Variants in SUGCT observed in about 807,000 individuals in gnomAD.
The protein encoded by SUGCT is succinyl-CoA:glutarate-CoA transferase.
Under a neutral mutation model 55.0 loss-of-function variants are expected in SUGCT, and 41 were observed. That is an observed-to-expected ratio of 0.74 (90% confidence interval 0.58 to 0.97). The LOEUF (loss-of-function observed/expected upper bound fraction) is 0.97. SUGCT is among the 50% of genes least tolerant of loss of function. SUGCT has a pLI of 0.00. For synonymous variants in SUGCT, 187 were observed against 200.4 expected, an observed-to-expected ratio of 0.93 and a Z score of 0.56; for missense variants, 568 against 547.8, an observed-to-expected ratio of 1.04 and a Z score of -0.37.
intron 6 of SUGCT, among the ~76,000 whole-genome samples, chr7:40,208,212 T>C (rs897528452): frequency 2.0e-5 from 3 of 152,148 alleles, no homozygotes; most frequent in Non-Finnish European, 4.4e-5. Flanking sequence ...TAGTGTTTAA[T>C]GGGTATAGGG....
chr7:40,683,062 A>G (rs1478399035), intron 12 of SUGCT, among the ~76,000 whole-genome samples: 1 of 152,110 alleles, frequency 6.6e-6, no homozygotes, highest in Non-Finnish European at 1.5e-5. Context: ...CTCACTTTAT[A>G]TCAGTAAATT....
chr7:40,467,402 G>A (rs1373049655), intron 11 of SUGCT, among the ~76,000 whole-genome samples: 1 of 151,844 alleles, frequency 6.6e-6, no homozygotes, highest in Non-Finnish European at 1.5e-5. Flanking sequence ...CATTATAATG[G>A]GGGTATCCAT....
chr7:40,616,385 G>A (rs1028241701), intron 12 of SUGCT, among the ~76,000 whole-genome samples: 1 of 151,906 alleles, frequency 6.6e-6, no homozygotes, highest in African/African-American at 2.4e-5. Context: ...TAGTAGAGAC[G>A]GGGTTTTGCC....
intron 13 of SUGCT, among the ~76,000 whole-genome samples, chr7:40,814,557 AT>A (rs199748013): frequency 1.0e-4 from 15 of 148,504 alleles, no homozygotes; most frequent in South Asian, 2.1e-4. Flanking sequence ...GCTCTGTTTG[AT>A]TTTTTTTTTA....
chr7:40,455,582 C>T (rs1351944485), intron 10 of SUGCT, among the ~76,000 whole-genome samples: 3 of 152,152 alleles, frequency 2.0e-5, no homozygotes, highest in South Asian at 2.1e-4. Context: ...TTTTTGTCAT[C>T]TCAGAAAACT....
At chr7:40,174,877 T>C (rs774069144) in intron 1 of SUGCT, among the ~76,000 whole-genome samples, 16 of 152,232 alleles carry the variant, frequency 1.1e-4, no homozygotes, top group Non-Finnish European at 1.9e-4. Context: ...TATTCCACAA[T>C]GTATGAAAGT....
At chr7:40,570,921 A>G (rs1796417441) in intron 12 of SUGCT, among the ~76,000 whole-genome samples, 2 of 122,692 alleles carry the variant, frequency 1.6e-5, no homozygotes, top group Admixed American at 1.1e-4. Context: ...GTGGAGTGGC[A>G]TGATGTTGGC....
intron 13 of SUGCT, among the ~76,000 whole-genome samples, chr7:40,836,477 G>T (rs951287905): frequency 2.0e-5 from 3 of 152,224 alleles, no homozygotes; most frequent in Non-Finnish European, 4.4e-5. Flanking sequence ...ATTGTGTGGT[G>T]AGCGTGTGTG....
At chr7:40,352,268 T>C (rs1406012152) in intron 9 of SUGCT, among the ~76,000 whole-genome samples, 1 of 152,260 alleles carries the variant, frequency 6.6e-6, no homozygotes, top group African/African-American at 2.4e-5. Context: ...TATTTACTTC[T>C]ATACAATTTT....
intron 12 of SUGCT, among the ~76,000 whole-genome samples, chr7:40,582,174 A>G (rs1797134634): frequency 1.3e-5 from 2 of 152,052 alleles, no homozygotes; most frequent in Non-Finnish European, 2.9e-5. Context: ...GAAATACAAA[A>G]CCATTCCATT....
chr7:40,518,408 A>G (rs1793359425), intron 12 of SUGCT, among the ~76,000 whole-genome samples: 1 of 152,128 alleles, frequency 6.6e-6, no homozygotes, highest in African/African-American at 2.4e-5. Flanking sequence ...ATAAGCAAAT[A>G]TATTTTAGAT....
the SUGCT span, among the ~76,000 whole-genome samples, chr7:40,983,522 T>G: frequency 6.6e-6 from 1 of 152,232 alleles, no homozygotes; most frequent in Non-Finnish European, 1.5e-5. Context: ...CTTTTGTAAC[T>G]GGTGCTCACT....
chr7:40,264,593 T>A (rs146417857), intron 7 of SUGCT, among the ~76,000 whole-genome samples: 4 of 152,208 alleles, frequency 2.6e-5, no homozygotes, highest in African/African-American at 9.6e-5. Context: ...TTCTCTATGC[T>A]TGCAATTCCA....
At chr7:40,485,156 T>A (rs1791258222) in intron 11 of SUGCT, among the ~76,000 whole-genome samples, 3 of 152,086 alleles carry the variant, frequency 2.0e-5, no homozygotes, top group Admixed American at 2.0e-4. Context: ...AAGATTTTTA[T>A]GAAGATCCTA....
intron 12 of SUGCT, among the ~76,000 whole-genome samples, chr7:40,577,119 A>G (rs1796809216): frequency 6.6e-6 from 1 of 152,226 alleles, no homozygotes; most frequent in Non-Finnish European, 1.5e-5. Context: ...GAGAACCATT[A>G]CTAGAGCAGC....
At chr7:40,704,920 C>T (rs781366170) in intron 12 of SUGCT, among the ~76,000 whole-genome samples, 54 of 152,132 alleles carry the variant, frequency 3.5e-4, no homozygotes, top group Non-Finnish European at 5.9e-4. Context: ...GGTTTTTGGC[C>T]AAGCTGTCTG....
intron 13 of SUGCT, among the ~76,000 whole-genome samples, chr7:40,810,535 C>A (rs1209528000): frequency 6.6e-6 from 1 of 151,998 alleles, no homozygotes; most frequent in Non-Finnish European, 1.5e-5. Flanking sequence ...AGCATTTTTT[C>A]ATATGTTTGT....
chr7:40,502,303 G>T (rs2151532192), intron 12 of SUGCT, among the ~76,000 whole-genome samples: 1 of 152,074 alleles, frequency 6.6e-6, no homozygotes, highest in African/African-American at 2.4e-5. Flanking sequence ...TTGTTTTAAT[G>T]TGTAAAAAAT....
chr7:40,637,661 T>C (rs1474231819), intron 12 of SUGCT, among the ~76,000 whole-genome samples: 2 of 152,236 alleles, frequency 1.3e-5, no homozygotes, highest in Non-Finnish European at 2.9e-5. Flanking sequence ...AGTCTCTCCA[T>C]GTTTTGCTTC....
Sources: gnomAD v4.1 joint callset for allele counts (sites outside exome capture counted in the v4.1 genomes callset) on GRCh38, gnomAD v4.1.1 for gene constraint, MANE v1.5 for transcripts, NCBI Gene and HGNC (gene_info 2026-07-23, HGNC 2026-07-21) for gene names.